XRRA1: variants seen among roughly 807,000 people sequenced by gnomAD.
The protein encoded by XRRA1 is X-ray radiation resistance-associated protein 1.
Under a neutral mutation model 80.2 loss-of-function variants are expected in XRRA1, and 69 were observed. The ratio of observed to expected loss-of-function variants is 0.86; its 90% confidence interval spans 0.71 to 1.05. The LOEUF (loss-of-function observed/expected upper bound fraction) is 1.05, where lower values mean the gene tolerates loss of function less well. Among genes scored for constraint, XRRA1 ranks in the 50% least tolerant of loss-of-function variants. The probability of loss-of-function intolerance (pLI) is 0.00; values close to 1 mark genes in which losing one functional copy is unlikely to be tolerated. For missense variants in XRRA1, 967 were observed against 976.4 expected (o/e 0.99, Z 0.13); for synonymous variants, 348 against 389.9 (o/e 0.89, Z 1.27).
At chr11:74,867,173 C>T (rs1033314152) in intron 10 of XRRA1, among the ~76,000 whole-genome samples, 9 of 152,130 alleles carry the variant, frequency 5.9e-5, no homozygotes, top group Admixed American at 5.2e-4. Flanking sequence ...AATCAAAAAG[C>T]CAGAGTGTCT....
At position 74,848,436 on chromosome 11, in the gene XRRA1, C is replaced by T. The variant is rs4944961; in HGVS notation, c.1407G>A (p.Pro469=). Residue 469 remains proline, a synonymous_variant, in exon 15 of 19, where the codon CCG becomes CCA. Transcript: ENST00000684022. The stretch of plus-strand genomic sequence containing the variant: ...GGTGATGGAGCACCAGAGGCTGCTT[C>T]GGCACCTTTGGGATTTCGCTTTTCA... ...WKVKSEIPKV[P]KQPLVLHHPR... 498,968 of 1,609,664 alleles carry T rather than the reference C, an allele frequency of 0.31. 83,895 individuals carry two copies. Among genetic ancestry groups the T allele is most frequent in the East Asian group, 0.55 (24,768 of 44,716 alleles).
At chr11:74,872,933 T>C (rs1240780609) in intron 10 of XRRA1, among the ~76,000 whole-genome samples, 1 of 152,160 alleles carries the variant, frequency 6.6e-6, no homozygotes, top group Non-Finnish European at 1.5e-5. Context: ...AACCCCTTAG[T>C]TGTAGTTGGG....
At chr11:74,891,629 T>C (rs1164429919) in intron 10 of XRRA1, among the ~76,000 whole-genome samples, 1 of 152,174 alleles carries the variant, frequency 6.6e-6, no homozygotes, top group Non-Finnish European at 1.5e-5. Context: ...TGTTTGCAGA[T>C]GACATGACTG....
chr11:74,903,274 G>C (rs2053923394), intron 10 of XRRA1, among the ~76,000 whole-genome samples: 1 of 152,222 alleles, frequency 6.6e-6, no homozygotes, highest in African/African-American at 2.4e-5. Flanking sequence ...ATATGCAAAA[G>C]ATGTTCACAA....
chr11:74,925,999 TCTA>T (rs1171275234), intron 7 of XRRA1, among the ~76,000 whole-genome samples: 2 of 152,198 alleles, frequency 1.3e-5, no homozygotes, highest in Non-Finnish European at 2.9e-5. Context: ...TATTCCAAAA[TCTA>T]CTGTTAAATA....
At chr11:74,938,680 G>T (rs1326144348) in intron 3 of XRRA1, among the ~76,000 whole-genome samples, 1 of 152,148 alleles carries the variant, frequency 6.6e-6, no homozygotes, top group African/African-American at 2.4e-5. Flanking sequence ...CCTTGATAAT[G>T]TGAGTGCCCT....
chr11:74,927,454 C>G lies in XRRA1; in HGVS notation c.459G>C (p.Leu153=), dbSNP rs370296217. Residue 153 remains leucine (L), a synonymous_variant, in exon 7 of 19, where the codon CTG becomes CTC. Transcript: ENST00000684022. ...AFHTFPALKE[L]DLAFNGIKTI... is the part of the protein sequence containing the mutation. ...TTTTGATGCCATTAAATGCGAGATCCAGTTCCTTTAGGGCTGGAAACGTGT... is the reference window on the plus strand; with the variant it reads ...TTTTGATGCCATTAAATGCGAGATCGAGTTCCTTTAGGGCTGGAAACGTGT... 65 of 1,613,516 alleles carry G rather than the reference C, an allele frequency of 4.0e-5. No homozygotes were observed. The highest frequency in any genetic ancestry group is 4.8e-5 in the Non-Finnish European group (57 of 1,179,588).
chr11:74,848,131 G>A lies in XRRA1; in HGVS notation c.1712C>T (p.Ser571Phe), dbSNP rs534179749. 3.0e-5 allele frequency: 48 copies of A among 1,610,214 alleles called. No individual in the cohort carries two copies. The East Asian group carries it at 1.0e-3, about 35-fold the overall frequency. Reference protein sequence around the residue: ...PSDEDSKSTESIFLTQVSELP... With the variant: ...PSDEDSKSTEFIFLTQVSELP... Reference sequence around the variant, plus strand: ...TACAGGTACCTGGGTCAGGAAGATGGACTCTGTGCTCTTGGAGTCCTCATC... The same window carrying A: ...TACAGGTACCTGGGTCAGGAAGATGAACTCTGTGCTCTTGGAGTCCTCATC... Residue 571 changes from serine (S) to phenylalanine (F), a missense_variant, in exon 15 of 19, where the codon TCC (serine) becomes TTC (phenylalanine). Physicochemically the swap from Ser to Phe is radical, Grantham distance 155. Coordinates refer to ENST00000684022, the MANE Select transcript of XRRA1 (RefSeq NM_001378157.1).
At chr11:74,851,295 G>A in intron 13 of XRRA1, 92 bp from the exon 14 acceptor site, 1 of 908,718 alleles carries the variant, frequency 1.1e-6, no homozygotes. Context: ...TGCTTTACAT[G>A]TATTACTGAA....
rs147880288 is a variant in XRRA1 at position 74,863,057 on chromosome 11, G to A, written c.1004-36C>T. On this transcript the variant is annotated intron_variant, in intron 10 of 18. Transcript: ENST00000684022. Reference sequence around the variant, plus strand: ...AGAGAAACAGAATGAAGGTTGGTGAGACCGCTGATTGATGCCTAGAGCACC... The same window carrying A: ...AGAGAAACAGAATGAAGGTTGGTGAAACCGCTGATTGATGCCTAGAGCACC... The A allele has an allele frequency of 1.4e-4, 218 of 1,583,010 alleles. 1 individual carries two copies. The East Asian group carries it at 4.9e-3, about 36-fold the overall frequency.
At chr11:74,876,939 A>G (rs1303509549) in intron 10 of XRRA1, 4 of 152,214 alleles carry the variant, frequency 2.6e-5, no homozygotes, top group African/African-American at 9.7e-5. Flanking sequence ...CCATGAGATT[A>G]CAGTTGTAAC....
Position 74,842,754 on chromosome 11 carries a change from A to T in XRRA1, c.*446T>A, listed in dbSNP as rs529995381. 54 of 171,090 alleles carry T rather than the reference A, an allele frequency of 3.2e-4. No individual in the cohort carries two copies. In the South Asian group the frequency reaches 8.3e-3, roughly 26 times the overall value. The allele number at this position is 171,090 out of a possible 1,614,324, so 10.6% of individuals were successfully genotyped here. A position where few individuals can be genotyped will look rare whatever the true frequency, so the allele number is the denominator to read the frequency against. On this transcript the variant is annotated 3_prime_UTR_variant, in exon 19 of 19. Coordinates refer to ENST00000684022, the MANE Select transcript of XRRA1 (RefSeq NM_001378157.1). ...CAGGATGACACTGTCCCTGCACATT[A>T]GGGCTGTACTCACAAGATCTGGTTT...
At chr11:74,919,745 C>G (rs954521031) in intron 8 of XRRA1, 5 of 454,434 alleles carry the variant, frequency 1.1e-5, no homozygotes, top group Non-Finnish European at 1.7e-5. Flanking sequence ...GGAAATTTGT[C>G]AGGAAGGAGA....
intron 10 of XRRA1, among the ~76,000 whole-genome samples, chr11:74,903,606 G>C (rs1591264544): frequency 6.6e-6 from 1 of 152,324 alleles, no homozygotes; most frequent in East Asian, 1.9e-4. Flanking sequence ...AAGAGGCTGA[G>C]GCAGGAGAAT....
rs764307452 is a variant in XRRA1, at chr11:74,906,355, C to T, written c.887G>A (p.Gly296Glu). The T allele has an allele frequency of 3.1e-6, 5 of 1,613,990 alleles. No homozygotes were observed. The Admixed American group carries it at 8.3e-5, about 27-fold the overall frequency. ...GAATTGGGGCTCTTTATGGGGACTTCCCCTGCCTCCATTCCAGTCTACTGA... is the reference window on the plus strand; with the variant it reads ...GAATTGGGGCTCTTTATGGGGACTTTCCCTGCCTCCATTCCAGTCTACTGA... ...DESVDWNGGR[G>E]SPHKEPQFML... is the part of the protein sequence containing the mutation. Residue 296 changes from glycine (G) to glutamate (E), a missense_variant, in exon 10 of 19, where the codon GGA becomes GAA. Transcript: ENST00000684022.
chr11:74,947,870 GCCCGCTACCACGC>G (rs1236921189), intron 1 of XRRA1, among the ~76,000 whole-genome samples: 2 of 152,132 alleles, frequency 1.3e-5, no homozygotes, highest in African/African-American at 4.8e-5. Flanking sequence ...GATTACAGGT[GCCCGCTACCACGC>G]CCGGCTCATT....
intron 10 of XRRA1, among the ~76,000 whole-genome samples, chr11:74,896,089 T>A (rs554256265): frequency 6.6e-6 from 1 of 152,296 alleles, no homozygotes; most frequent in African/African-American, 2.4e-5. Context: ...TGGAGCACAT[T>A]TCCAGATGTA....
chr11:74,877,929 G>T (rs1590890371), intron 10 of XRRA1, among the ~76,000 whole-genome samples: 1 of 151,924 alleles, frequency 6.6e-6, no homozygotes, highest in African/African-American at 2.4e-5. Context: ...ACATACGTGT[G>T]CATGTGTCTT....
At chr11:74,887,995 G>A (rs1249692119) in intron 10 of XRRA1, among the ~76,000 whole-genome samples, 3 of 152,176 alleles carry the variant, frequency 2.0e-5, no homozygotes, top group Admixed American at 6.5e-5. Flanking sequence ...CACCTCTGAG[G>A]GCAGGACATT....
Sources: gnomAD v4.1 joint callset for allele counts (sites outside exome capture counted in the v4.1 genomes callset) on GRCh38, gnomAD v4.1.1 for gene constraint, MANE v1.5 for transcripts, NCBI Gene and HGNC (gene_info 2026-07-23, HGNC 2026-07-21) for gene names.